FLG: variants seen among roughly 807,000 people sequenced by gnomAD.
The protein encoded by FLG is epidermal filaggrin.
FLG carries 6 observed loss-of-function variants against 3.8 expected under a neutral mutation model. That is an observed-to-expected ratio of 1.60 (90% CI 0.87 to 3.15). The LOEUF (loss-of-function observed/expected upper bound fraction) is 3.15, where lower values mean the gene tolerates loss of function less well. FLG is among the 30% of genes most tolerant of loss of function. The pLI is 0.00. For synonymous variants in FLG, 2,551 were observed against 1,931.6 expected, an observed-to-expected ratio of 1.32 and a Z score of -8.41; for missense variants, 7,595 against 5,050.9, an observed-to-expected ratio of 1.50 and a Z score of -15.27.
At chr1:152,319,626 A>G (rs1652891972) in intron 1 of FLG, among the ~76,000 whole-genome samples, 1 of 151,554 alleles carries the variant, frequency 6.6e-6, no homozygotes, top group Non-Finnish European at 1.5e-5. Context: ...AGCGACAATA[A>G]GATTGATACT....
At chr1:152,315,853 T>G (rs1291199326) in intron 1 of FLG, among the ~76,000 whole-genome samples, 1 of 152,166 alleles carries the variant, frequency 6.6e-6, no homozygotes, top group African/African-American at 2.4e-5. Context: ...GAAAATTACT[T>G]CCCCAAAAGC....
chr1:152,312,106 T>C lies in FLG; in HGVS notation c.2780A>G (p.Gln927Arg), dbSNP rs759794886. 21 of 1,613,944 alleles carry C rather than the reference T, an allele frequency of 1.3e-5. No individual in the cohort carries two copies. The highest frequency in any genetic ancestry group is 1.4e-5 in the Non-Finnish European group (17 of 1,180,006). The stretch of plus-strand genomic sequence containing the variant: ...CCCCTCTGATTGTCCCTGGCCTGCC[T>C]GTGAGTGTCTAGAGATGTCGGCATG... ...SSHADISRHS[Q>R]AGQGQSEGSR... Residue 927 changes from glutamine (Q) to arginine (R), a missense_variant, in exon 3 of 3, where the codon CAG becomes CGG. By Grantham distance (43) the Gln-to-Arg change is conservative. Transcript: ENST00000368799.
chr1:152,306,961 G>A lies in FLG; in HGVS notation c.7925C>T (p.Ser2642Phe). 6.5e-7 allele frequency: 1 copy of A among 1,539,644 alleles called. No individual in the cohort carries two copies. Among genetic ancestry groups the A allele is most frequent in the South Asian group, 1.1e-5 (1 of 88,552 alleles). ...QTSSGGQAAS[S>F]HEQARSSAGE... ...TGCACTTGATCTTGCCTGTTCATGG[G>A]ATGATGCAGCCTGTCCACCAGAGGA... Residue 2642 changes from serine to phenylalanine, a missense_variant, in exon 3 of 3, where the codon TCC becomes TTC. By Grantham distance (155) the Ser-to-Phe change is radical. Transcript: ENST00000368799.
chr1:152,307,131 C>T lies in FLG; in HGVS notation c.7755G>A (p.Gly2585=), dbSNP rs771306031. Residue 2585 remains glycine, a synonymous_variant, in exon 3 of 3, where the codon GGG becomes GGA. Transcript: ENST00000368799. ...ATCCATGATGGTTTCTGGAAGCAGA[C>T]CCAGACCACCTCTCAGAGTCTTCTG... ...GHSEDSERWS[G]SASRNHHGSA... 1 of 1,612,202 alleles carries T rather than the reference C, an allele frequency of 6.2e-7. No homozygotes were observed. Among genetic ancestry groups the T allele is most frequent in the Non-Finnish European group, 8.5e-7 (1 of 1,179,944 alleles).
At position 152,314,048 on chromosome 1, in the gene FLG, T is replaced by C; in HGVS notation, c.838A>G (p.Ser280Gly). Residue 280 changes from serine (S) to glycine (G), a missense_variant, in exon 3 of 3, where the codon AGC becomes GGC. Physicochemically the swap from Ser to Gly is moderately conservative, Grantham distance 56. Coordinates refer to ENST00000368799, the MANE Select transcript of FLG (RefSeq NM_002016.2). ...QVNRSRHENT[S>G]QVPLQESRTR... Reference sequence around the variant, plus strand: ...CTGGACTCCTGCAATGGTACCTGGCTTGTATTTTCATGTCTTGACCTGTTC... The same window carrying C: ...CTGGACTCCTGCAATGGTACCTGGCCTGTATTTTCATGTCTTGACCTGTTC... 3 of 1,614,228 alleles carry C rather than the reference T, an allele frequency of 1.9e-6. No individual in the cohort carries two copies. Among genetic ancestry groups the C allele is most frequent in the Admixed American group, 1.7e-5 (1 of 60,022 alleles).
Position 152,313,874 on chromosome 1 carries a change from A to T in FLG, c.1012T>A (p.Ser338Thr). ...QSRDGSRHPR[S>T]HDEDRASHGH... Reference sequence around the variant, plus strand: ...TGACTGGCTCTGTCTTCATCATGGGACCTGGGGTGTCTGGAGCCATCTCTT... The same window carrying T: ...TGACTGGCTCTGTCTTCATCATGGGTCCTGGGGTGTCTGGAGCCATCTCTT... Residue 338 changes from serine to threonine, a missense_variant, in exon 3 of 3, where the codon TCC (serine) becomes ACC (threonine). Ser to Thr is a moderately conservative substitution (Grantham distance 58). Transcript: ENST00000368799. 1 of 1,613,718 alleles carries T rather than the reference A, an allele frequency of 6.2e-7. No individual in the cohort carries two copies. The highest frequency in any genetic ancestry group is 1.1e-5 in the South Asian group (1 of 91,028).
Position 152,305,061 on chromosome 1 carries a change from G to T in FLG, c.9825C>A (p.Gly3275=), listed in dbSNP as rs756240584. The part of the protein sequence containing the change: ...GHSADRSRQS[G]TRHAETSSGG... ...CAGAGGAAGTCTCTGCGTGACGAGT[G>T]CCTGATTGTCTGGAGCGGTCTGCAG... The change falls in exon 3 of 3, where the codon GGC becomes GGA. Residue 3275 remains glycine, a synonymous_variant. Transcript: ENST00000368799. 3.9e-5 allele frequency: 63 copies of T among 1,613,862 alleles called. No homozygotes were observed. Among genetic ancestry groups the T allele is most frequent in the East Asian group, 1.3e-4 (6 of 44,854 alleles).
chr1:152,312,112 T>C lies in FLG; in HGVS notation c.2774A>G (p.His925Arg), dbSNP rs1160744820. ...TGATTGTCCCTGGCCTGCCTGTGAG[T>C]GTCTAGAGATGTCGGCATGAGAGGA... is the stretch of plus-strand genomic sequence containing the variant. ...EASSHADISR[H>R]SQAGQGQSEG... The change falls in exon 3 of 3, where the codon CAC (histidine) becomes CGC (arginine). Residue 925 changes from histidine (H) to arginine (R), a missense_variant. By Grantham distance (29) the His-to-Arg change is conservative (BLOSUM62 0). Transcript: ENST00000368799. The C allele has an allele frequency of 3.1e-6, 5 of 1,613,996 alleles. No individual in the cohort carries two copies. Among genetic ancestry groups the C allele is most frequent in the Non-Finnish European group, 4.2e-6 (5 of 1,179,994 alleles).
At chr1:152,324,947 A>G (rs1305179747) in intron 1 of FLG, among the ~76,000 whole-genome samples, 1 of 151,932 alleles carries the variant, frequency 6.6e-6, no homozygotes, top group Non-Finnish European at 1.5e-5. Flanking sequence ...GTTAATACAT[A>G]TTTGTTAAGT....
rs775926509 is a variant in FLG at position 152,309,920 on chromosome 1, G to A, written c.4966C>T (p.Arg1656Cys). ...SAESSRQSGT[R>C]HAETSSGGQA... Reference sequence around the variant, plus strand: ...CCACCAGAGGAAGTCTCTGCATGACGAGTGCCTGATTGTCTGGAGCTCTCT... The same window carrying A: ...CCACCAGAGGAAGTCTCTGCATGACAAGTGCCTGATTGTCTGGAGCTCTCT... The change falls in exon 3 of 3, where the codon CGT (arginine) becomes TGT (cysteine). Residue 1656 changes from arginine to cysteine, a missense_variant. Physicochemically the swap from Arg to Cys is radical, Grantham distance 180 (BLOSUM62 -3). Transcript: ENST00000368799. The A allele has an allele frequency of 4.6e-5, 75 of 1,614,128 alleles. No individual in the cohort carries two copies. Among genetic ancestry groups the A allele is most frequent in the Middle Eastern group, 3.3e-4 (2 of 6,060 alleles).
Position 152,311,502 on chromosome 1 carries a change from C to CT in FLG, c.3383dup (p.Ser1129ValfsTer54). ...TGGTCCTGGTCCGCCCATGGGCAGACTCAGACTGTTCATGAGTGCTCACCT... is the reference window on the plus strand; with the variant it reads ...TGGTCCTGGTCCGCCCATGGGCAGACTTCAGACTGTTCATGAGTGCTCACCT... On this transcript the variant is annotated frameshift_variant, in exon 3 of 3. Transcript: ENST00000368799. LOFTEE classifies it low-confidence loss of function (END_TRUNC). The CT allele has an allele frequency of 6.2e-7, 1 of 1,613,882 alleles. No homozygotes were observed. Among genetic ancestry groups the CT allele is most frequent in the Middle Eastern group, 1.7e-4 (1 of 6,056 alleles).
chr1:152,321,217 T>G (rs1029143911), intron 1 of FLG, among the ~76,000 whole-genome samples: 2 of 150,940 alleles, frequency 1.3e-5, no homozygotes, highest in Non-Finnish European at 3.0e-5. Flanking sequence ...TACAGTTGTG[T>G]GTGTATATAT....
Position 152,302,895 on chromosome 1 carries a change from TC to T in FLG, c.11990del (p.Gly3997GlufsTer77), listed in dbSNP as rs1557869371. ...CAGGATTGGAATTGTAACTAACACT[TC>T]CGTGCTGAGAGTGTCTAAACCCGGA... Reference protein sequence around the residue: ...GESGFRHSQHGSVSYNSNPVV... With the variant: ...GESGFRHSQHXSVSYNSNPVV... On this transcript the variant is annotated frameshift_variant, in exon 3 of 3. Transcript: ENST00000368799. LOFTEE classifies it low-confidence loss of function (END_TRUNC). The T allele has an allele frequency of 1.9e-6, 3 of 1,614,162 alleles. No individual in the cohort carries two copies. Among genetic ancestry groups the T allele is most frequent in the Non-Finnish European group, 2.5e-6 (3 of 1,180,022 alleles).
chr1:152,313,266 T>A lies in FLG; in HGVS notation c.1620A>T (p.Gly540=), dbSNP rs1222963468. Residue 540 remains glycine, a synonymous_variant, in exon 3 of 3, where the codon GGA becomes GGT. Coordinates refer to ENST00000368799, the MANE Select transcript of FLG (RefSeq NM_002016.2). The part of the protein sequence containing the change: ...SHHEQSVNRS[G]HSGSHHSHTT... Reference sequence around the variant, plus strand: ...TGTGGCTGTGATGGGAACCTGAGTGTCCAGACCTATTTACCGATTGCTCGT... The same window carrying A: ...TGTGGCTGTGATGGGAACCTGAGTGACCAGACCTATTTACCGATTGCTCGT... 4.3e-6 allele frequency: 7 copies of A among 1,613,750 alleles called. No individual in the cohort carries two copies. Among genetic ancestry groups the A allele is most frequent in the Non-Finnish European group, 5.1e-6 (6 of 1,180,010 alleles).
chr1:152,307,560 G>T lies in FLG; in HGVS notation c.7326C>A (p.His2442Gln). The T allele has an allele frequency of 1.9e-6, 3 of 1,613,796 alleles. No homozygotes were observed. Among genetic ancestry groups the T allele is most frequent in the Non-Finnish European group, 2.5e-6 (3 of 1,179,948 alleles). ...GTSTGGRQGS[H>Q]HKQARDSSRH... is the part of the protein sequence containing the mutation. ...TGGAGCTGTCTCGTGCCTGCTTGTGGTGGGATCCTTGTCTTCCTCCAGTGC... is the reference window on the plus strand; with the variant it reads ...TGGAGCTGTCTCGTGCCTGCTTGTGTTGGGATCCTTGTCTTCCTCCAGTGC... The change falls in exon 3 of 3, where the codon CAC becomes CAA. Residue 2442 changes from histidine (H) to glutamine (Q), a missense_variant. Physicochemically the swap from His to Gln is conservative, Grantham distance 24 (BLOSUM62 0). Coordinates refer to ENST00000368799, the MANE Select transcript of FLG (RefSeq NM_002016.2).
chr1:152,302,601 G>A lies in FLG; in HGVS notation c.*99C>T, dbSNP rs1570891630. The A allele has an allele frequency of 6.0e-5, 89 of 1,485,646 alleles. No individual in the cohort carries two copies. The South Asian group carries it at 1.1e-3, about 18-fold the overall frequency. The allele number at this position is 1,485,646 out of a possible 1,614,324, so 92.0% of individuals were successfully genotyped here. A position where few individuals can be genotyped will look rare whatever the true frequency, so the allele number is the denominator to read the frequency against. On this transcript the variant is annotated 3_prime_UTR_variant, in exon 3 of 3. Coordinates refer to ENST00000368799, the MANE Select transcript of FLG (RefSeq NM_002016.2). ...TAGCATATTTTAAACAGATTGACAG[G>A]AAAAGATAACTTCCCTGAAAGTATT... is the stretch of plus-strand genomic sequence containing the variant.
At position 152,309,734 on chromosome 1, in the gene FLG, G is replaced by A; in HGVS notation, c.5152C>T (p.Gln1718Ter). ...DSGNRGSSGS[Q>*]ASDSEGHSEE... Reference sequence around the variant, plus strand: ...GAGTGTCCCTCGCTGTCACTGGCCTGGCTACCACTGGACCCTCGGTTTCCA... The same window carrying A: ...GAGTGTCCCTCGCTGTCACTGGCCTAGCTACCACTGGACCCTCGGTTTCCA... Residue 1718 changes from glutamine (Q) to a stop codon, truncating the protein, a stop_gained, in exon 3 of 3, where the codon CAG (glutamine) becomes TAG (stop). Coordinates refer to ENST00000368799, the MANE Select transcript of FLG (RefSeq NM_002016.2). LOFTEE classifies it low-confidence loss of function (END_TRUNC). 1 of 1,614,058 alleles carries A rather than the reference G, an allele frequency of 6.2e-7. No individual in the cohort carries two copies. Among genetic ancestry groups the A allele is most frequent in the Middle Eastern group, 1.6e-4 (1 of 6,062 alleles).
chr1:152,306,404 A>C lies in FLG; in HGVS notation c.8482T>G (p.Ser2828Ala). ...CTTCTGGATCCTGACTGCCCACGGG[A>C]GGCATCAGACCTTCCCTGGGATGTG... ...HTTSQGRSDA[S>A]RGQSGSRSAS... Residue 2828 changes from serine to alanine, a missense_variant, in exon 3 of 3, where the codon TCC (serine) becomes GCC (alanine). By Grantham distance (99) the Ser-to-Ala change is moderately conservative (BLOSUM62 1). Coordinates refer to ENST00000368799, the MANE Select transcript of FLG (RefSeq NM_002016.2). 1 of 1,603,414 alleles carries C rather than the reference A, an allele frequency of 6.2e-7. No individual in the cohort carries two copies. Among genetic ancestry groups the C allele is most frequent in the South Asian group, 1.1e-5 (1 of 91,046 alleles).
chr1:152,310,964 G>A lies in FLG; in HGVS notation c.3922C>T (p.His1308Tyr), dbSNP rs1652369757. Reference sequence around the variant, plus strand: ...CTGTCTTCTTGATGGAACCCAGGGTGTCTGGAGCCATCTCTTGACTGCTCC... The same window carrying A: ...CTGTCTTCTTGATGGAACCCAGGGTATCTGGAGCCATCTCTTGACTGCTCC... The part of the protein sequence containing the change: ...SREQSRDGSR[H>Y]PGFHQEDRAS... Residue 1308 changes from histidine to tyrosine, a missense_variant, in exon 3 of 3, where the codon CAC (histidine) becomes TAC (tyrosine). Physicochemically the swap from His to Tyr is moderately conservative, Grantham distance 83. Coordinates refer to ENST00000368799, the MANE Select transcript of FLG (RefSeq NM_002016.2). 1 of 1,613,878 alleles carries A rather than the reference G, an allele frequency of 6.2e-7. No individual in the cohort carries two copies. The highest frequency in any genetic ancestry group is 1.7e-5 in the Admixed American group (1 of 59,992).
Sources: gnomAD v4.1 joint callset for allele counts (sites outside exome capture counted in the v4.1 genomes callset) on GRCh38, gnomAD v4.1.1 for gene constraint, MANE v1.5 for transcripts, NCBI Gene and HGNC (gene_info 2026-07-23, HGNC 2026-07-21) for gene names.